GALNT16: variants seen among roughly 807,000 people sequenced by gnomAD.
GALNT16 encodes the protein polypeptide N-acetylgalactosaminyltransferase 16.
In GALNT16, 40 loss-of-function variants were observed where a neutral mutation model predicts 76.1. That is an observed-to-expected ratio of 0.53 (90% confidence interval 0.41 to 0.68). The LOEUF is 0.68. GALNT16 is among the 30% of genes least tolerant of loss of function. The pLI, the probability that GALNT16 is intolerant of heterozygous loss-of-function variation, is 0.00. For synonymous variants in GALNT16, 276 were observed against 285.2 expected (o/e 0.97, Z 0.32); for missense variants, 621 against 731.9 (o/e 0.85, Z 1.75).
At chr14:69,288,088 T>C (rs2044638964) in intron 1 of GALNT16, among the ~76,000 whole-genome samples, 1 of 152,200 alleles carries the variant, frequency 6.6e-6, no homozygotes, top group Non-Finnish European at 1.5e-5. Flanking sequence ...CTCAATTCTT[T>C]GTGTACTGCT....
Position 69,341,749 on chromosome 14 carries a change from T to C in GALNT16, c.1256T>C (p.Val419Ala). 6.2e-7 allele frequency: 1 copy of C among 1,612,434 alleles called. No homozygotes were observed. The highest frequency in any genetic ancestry group is 2.2e-5 in the East Asian group (1 of 44,842). ...TCCTTCCGCTGGTACCTGGAGAACGTCTACCCAGAGCTCACGTGAGTGCAG... is the reference window on the plus strand; with the variant it reads ...TCCTTCCGCTGGTACCTGGAGAACGCCTACCCAGAGCTCACGTGAGTGCAG... The part of the protein sequence containing the change: ...CKSFRWYLEN[V>A]YPELTVPVKE... The change falls in exon 12 of 15, where the codon GTC becomes GCC. Residue 419 changes from valine to alanine, a missense_variant. Val to Ala is a moderately conservative substitution (Grantham distance 64). Transcript: ENST00000448469.
intron 7 of GALNT16, chr14:69,332,602 T>C (rs530127332): frequency 1.5e-4 from 24 of 162,046 alleles, no homozygotes; most frequent in East Asian, 7.6e-4. Flanking sequence ...ATTAGTTAGA[T>C]TGTGAGTCTG....
intron 1 of GALNT16, among the ~76,000 whole-genome samples, chr14:69,304,432 G>T (rs562028934): frequency 1.2e-4 from 19 of 152,222 alleles, no homozygotes; most frequent in African/African-American, 4.1e-4. Flanking sequence ...TCCATATGTG[G>T]TTTTTTCTTT....
At chr14:69,312,014 C>G (rs745781) in intron 1 of GALNT16, among the ~76,000 whole-genome samples, 60,212 of 149,500 alleles carry the variant, frequency 0.4, 12,845 homozygotes, top group East Asian at 0.84. Context: ...ACCCGCCTAG[C>G]GTAACATAGC....
At chr14:69,326,059 G>A (rs536327888) in intron 5 of GALNT16, 32 bp downstream of exon 5, 2 of 1,545,638 alleles carry the variant, frequency 1.3e-6, no homozygotes, top group East Asian at 2.2e-5. Context: ...CCCACCAAGG[G>A]CCCATCTTGG....
chr14:69,339,634 C>G lies in GALNT16; in HGVS notation c.1187+15C>G. On this transcript the variant is annotated intron_variant, in intron 11 of 14. Transcript: ENST00000448469. Reference sequence around the variant, plus strand: ...GCCTTCGGCAGGTGGGCCCCCCCAGCTCCACTGTCTGACTCCCTCTACCCA... The same window carrying G: ...GCCTTCGGCAGGTGGGCCCCCCCAGGTCCACTGTCTGACTCCCTCTACCCA... The G allele has an allele frequency of 1.3e-6, 2 of 1,510,476 alleles. No individual in the cohort carries two copies. Among genetic ancestry groups the G allele is most frequent in the Non-Finnish European group, 1.8e-6 (2 of 1,094,308 alleles). The allele number at this position is 1,510,476 out of a possible 1,614,324, so 93.6% of individuals were successfully genotyped here.
chr14:69,341,885 C>T (rs961666872), intron 12 of GALNT16, 121 bp downstream of exon 12: 11 of 676,892 alleles, frequency 1.6e-5, no homozygotes, highest in East Asian at 2.7e-5. Context: ...TTCTAGCTGC[C>T]GGGTTTTATC....
At chr14:69,348,114 G>A (rs763818697) in intron 14 of GALNT16, 112 bp downstream of exon 14, 21 of 1,109,350 alleles carry the variant, frequency 1.9e-5, no homozygotes, top group Middle Eastern at 4.5e-4. Context: ...CCTTCAGAGC[G>A]AGGATCTGTG....
At chr14:69,263,305 A>T (rs1009055629) in intron 1 of GALNT16, among the ~76,000 whole-genome samples, 1 of 152,160 alleles carries the variant, frequency 6.6e-6, no homozygotes, top group Non-Finnish European at 1.5e-5. Flanking sequence ...CTAAGTAAGG[A>T]GGTGGGGGAT....
chr14:69,362,938 G>T, the GALNT16 span, among the ~76,000 whole-genome samples: 1 of 152,230 alleles, frequency 6.6e-6, no homozygotes, highest in Non-Finnish European at 1.5e-5. Context: ...TGCTGGTCTG[G>T]CTTTGAAACC....
At chr14:69,328,380 G>C in intron 5 of GALNT16, 70 bp from the exon 6 acceptor site, 1 of 1,538,170 alleles carries the variant, frequency 6.5e-7, no homozygotes, top group Non-Finnish European at 8.9e-7. Context: ...AGAGCCTTGG[G>C]ACTTTGGGGG....
intron 13 of GALNT16, 47 bp from the exon 14 acceptor site, chr14:69,347,830 C>G (rs1315371270): frequency 6.2e-7 from 1 of 1,602,846 alleles, no homozygotes; most frequent in Admixed American, 1.7e-5. Flanking sequence ...ATCTCTCCAC[C>G]CATCGCTGTA....
At chr14:69,313,733 TAGGGCCTC>T (rs796837085) in intron 1 of GALNT16, among the ~76,000 whole-genome samples, 44 of 152,368 alleles carry the variant, frequency 2.9e-4, no homozygotes, top group African/African-American at 1.0e-3. Flanking sequence ...GTAATTAAAC[TAGGGCCTC>T]CCAGGCCTGT....
At chr14:69,271,941 A>G (rs2044411812) in intron 1 of GALNT16, among the ~76,000 whole-genome samples, 1 of 152,240 alleles carries the variant, frequency 6.6e-6, no homozygotes, top group South Asian at 2.1e-4. Context: ...ACATTATTAA[A>G]GTTAATTTCG....
Position 69,320,508 on chromosome 14 carries a change from A to G in GALNT16, c.178-203A>G, listed in dbSNP as rs550949935. 7.9e-5 allele frequency among the ~76,000 whole-genome samples: 6 copies of G among 76,196 alleles called. No homozygotes were observed. The Admixed American group carries it at 8.4e-4, about 11-fold the overall frequency. The allele number at this position is 76,196 out of a possible 152,430, so 50.0% of individuals were successfully genotyped here. A position where few individuals can be genotyped will look rare whatever the true frequency, so the allele number is the denominator to read the frequency against. On this transcript the variant is annotated intron_variant, in intron 1 of 14. Coordinates refer to ENST00000448469, the MANE Select transcript of GALNT16 (RefSeq NM_001168368.2). ...GTGTCAAAAAAAAGAAAAAAAAAAG[A>G]AAAAAAGAAAAAAAAAGAAACCCTC...
At chr14:69,322,496 G>A (rs1033606289) in intron 2 of GALNT16, among the ~76,000 whole-genome samples, 5 of 152,224 alleles carry the variant, frequency 3.3e-5, no homozygotes, top group African/African-American at 1.2e-4. Flanking sequence ...ACTTAAAGGG[G>A]GAATTGCCCT....
At chr14:69,361,606 C>T (rs371271433), downstream of GALNT16, among the ~76,000 whole-genome samples, 3 of 152,204 alleles carry the variant, frequency 2.0e-5, no homozygotes, top group East Asian at 3.9e-4. Flanking sequence ...CCCCACATCC[C>T]GTATCCTTAC....
intron 1 of GALNT16, among the ~76,000 whole-genome samples, chr14:69,274,403 G>A (rs900742766): frequency 3.3e-5 from 5 of 152,182 alleles, no homozygotes; most frequent in African/African-American, 1.2e-4. Context: ...AAGGAATTTG[G>A]GAGTGGCTTG....
upstream of GALNT16, chr14:69,259,996 C>A: frequency 3.0e-6 from 1 of 328,450 alleles, no homozygotes; most frequent in Non-Finnish European, 5.6e-6. Flanking sequence ...TGCGCAGTGG[C>A]CTGGTGGGTC....
Sources: allele counts gnomAD v4.1 joint callset (sites outside exome capture counted in the v4.1 genomes callset), GRCh38; gene constraint gnomAD v4.1.1; transcripts MANE v1.5; gene names NCBI Gene and HGNC (gene_info 2026-07-23, HGNC 2026-07-21).